Variants in FOXP1 observed in about 807,000 individuals in gnomAD.
FOXP1 encodes the protein forkhead box protein P1.
FOXP1 carries 15 observed loss-of-function variants against 98.2 expected under a neutral mutation model. The observed-to-expected ratio is 0.15, with a 90% confidence interval of 0.10 to 0.24. The LOEUF is 0.24. Among genes scored for constraint, FOXP1 ranks in the 10% least tolerant of loss-of-function variants. The pLI is 1.00. For missense variants in FOXP1, 633 were observed against 848.5 expected, an observed-to-expected ratio of 0.75 and a Z score of 3.15; for synonymous variants, 371 against 314.5, an observed-to-expected ratio of 1.18 and a Z score of -1.90.
chr3:71,346,093 A>C (rs1002597274), intron 4 of FOXP1, among the ~76,000 whole-genome samples: 17 of 152,166 alleles, frequency 1.1e-4, no homozygotes, highest in Non-Finnish European at 2.1e-4. Flanking sequence ...TCTAGGTGAA[A>C]GCTTTAAAAA....
intron 6 of FOXP1, among the ~76,000 whole-genome samples, chr3:71,145,121 T>C (rs1256803740): frequency 3.3e-5 from 5 of 152,214 alleles, no homozygotes; most frequent in African/African-American, 4.8e-5. Flanking sequence ...CAACTATAAA[T>C]ACAGCTTCCA....
intron 6 of FOXP1, among the ~76,000 whole-genome samples, chr3:71,129,838 T>C (rs2059454887): frequency 6.6e-6 from 1 of 152,196 alleles, no homozygotes; most frequent in South Asian, 2.1e-4. Context: ...GCTATACTGA[T>C]TATCCACAAG....
At chr3:71,324,936 G>A (rs2075597416) in intron 4 of FOXP1, among the ~76,000 whole-genome samples, 2 of 152,186 alleles carry the variant, frequency 1.3e-5, no homozygotes, top group Admixed American at 1.3e-4. Flanking sequence ...AGCTAAGGGG[G>A]CACCCCAGCC....
chr3:71,565,618 G>A (rs2046853670), intron 2 of FOXP1, among the ~76,000 whole-genome samples: 2 of 152,132 alleles, frequency 1.3e-5, no homozygotes, highest in Admixed American at 6.5e-5. Context: ...GTATATTTTC[G>A]GTAGTCAAAA....
chr3:71,431,703 C>A (rs1259277504), intron 3 of FOXP1, among the ~76,000 whole-genome samples: 1 of 152,204 alleles, frequency 6.6e-6, no homozygotes, highest in African/African-American at 2.4e-5. Flanking sequence ...CTCCTACCTG[C>A]AAACTCATTT....
At chr3:71,093,295 A>G (rs943901550) in intron 7 of FOXP1, among the ~76,000 whole-genome samples, 1 of 150,988 alleles carries the variant, frequency 6.6e-6, no homozygotes, top group African/African-American at 2.4e-5. Context: ...AATTAAAAAA[A>G]GCAAAAGAAC....
intron 3 of FOXP1, among the ~76,000 whole-genome samples, chr3:71,390,528 A>G (rs1238014118): frequency 6.9e-6 from 1 of 145,486 alleles, no homozygotes; most frequent in Non-Finnish European, 1.5e-5. Context: ...CCTGCAAGTT[A>G]CAGTTGTGCC....
In FOXP1 at chr3:70,970,783, T is replaced by A. The variant is rs764023352; in HGVS notation, c.1675A>T (p.Met559Leu). 4 of 1,613,944 alleles carry A rather than the reference T, an allele frequency of 2.5e-6. No individual in the cohort carries two copies. Among genetic ancestry groups the A allele is most frequent in the Non-Finnish European group, 3.4e-6 (4 of 1,179,786 alleles). Residue 559 changes from methionine (M) to leucine (L), a missense_variant, in exon 19 of 21, where the codon ATG becomes TTG. Transcript: ENST00000649528. ...GTGCAGTAGGCGTGGCTGCTCTGCA[T>A]GTTTTTAATAAGGGAAGGGTTACTG... ...ISGNPSLIKN[M>L]QSSHAYCTPL...
intron 20 of FOXP1, among the ~76,000 whole-genome samples, chr3:70,962,821 C>A (rs948392891): frequency 5.3e-5 from 8 of 152,134 alleles, no homozygotes; most frequent in African/African-American, 1.7e-4. Flanking sequence ...AGAAATAGAA[C>A]CATCCATCTC....
intron 6 of FOXP1, among the ~76,000 whole-genome samples, chr3:71,166,732 G>C (rs1393656676): frequency 6.6e-6 from 1 of 152,048 alleles, no homozygotes; most frequent in Non-Finnish European, 1.5e-5. Flanking sequence ...TTTACAACCA[G>C]AAAGCATTCT....
chr3:71,139,722 G>A (rs1201013433), intron 6 of FOXP1, among the ~76,000 whole-genome samples: 2 of 152,160 alleles, frequency 1.3e-5, no homozygotes, highest in African/African-American at 4.8e-5. Flanking sequence ...CTCATCCCAA[G>A]GAAGCCAACC....
chr3:71,169,303 C>T (rs1029629656), intron 6 of FOXP1, among the ~76,000 whole-genome samples: 24 of 152,174 alleles, frequency 1.6e-4, no homozygotes, highest in African/African-American at 5.8e-4. Context: ...TTAACATTTG[C>T]CCCCGAGCGT....
At chr3:70,964,796 G>T (rs1380991143) in intron 20 of FOXP1, among the ~76,000 whole-genome samples, 2 of 152,152 alleles carry the variant, frequency 1.3e-5, no homozygotes, top group African/African-American at 4.8e-5. Context: ...GAAGTGCTGT[G>T]GAGATGAAAC....
At chr3:71,226,962 C>A (rs371746380) in intron 5 of FOXP1, among the ~76,000 whole-genome samples, 1 of 152,078 alleles carries the variant, frequency 6.6e-6, no homozygotes, top group Non-Finnish European at 1.5e-5. Flanking sequence ...CAGGGCAGAG[C>A]GCACAGGACG....
intron 5 of FOXP1, chr3:71,276,497 G>T (rs2070905925): frequency 6.6e-6 from 1 of 152,136 alleles, no homozygotes; most frequent in South Asian, 2.1e-4. Flanking sequence ...ATCAGACATG[G>T]TCACATCAGA....
intron 7 of FOXP1, among the ~76,000 whole-genome samples, chr3:71,087,725 A>T (rs531941186): frequency 6.6e-4 from 100 of 152,202 alleles, no homozygotes; most frequent in Non-Finnish European, 1.1e-3. Context: ...TTCTTTTTTT[A>T]TGACACCTTA....
intron 7 of FOXP1, among the ~76,000 whole-genome samples, chr3:71,060,428 CA>C (rs1559842967): frequency 6.6e-6 from 1 of 152,078 alleles, no homozygotes; most frequent in African/African-American, 2.4e-5. Flanking sequence ...AAAGCCCAAC[CA>C]AAAGCTTCCC....
chr3:71,472,617 T>A (rs2089464553), intron 3 of FOXP1, among the ~76,000 whole-genome samples: 1 of 152,108 alleles, frequency 6.6e-6, no homozygotes, highest in Non-Finnish European at 1.5e-5. Context: ...AGCCCAGAAC[T>A]CCAACAGGAA....
rs569897614 is a variant in FOXP1, at chr3:71,478,264, G to A, written c.-168+15162C>T. Among the ~76,000 whole-genome samples the A allele has an allele frequency of 9.7e-4, 148 of 152,182 alleles. 1 individual carries two copies. Among genetic ancestry groups the A allele is most frequent in the African/African-American group, 3.4e-3 (141 of 41,510 alleles). ...AGCCCCCTACATAAGCCATGGATCC[G>A]TAATACCACCATCTGATTTATGTAA... On this transcript the variant is annotated intron_variant, in intron 3 of 20. Transcript: ENST00000649528.
Sources: gnomAD v4.1 joint callset for allele counts (sites outside exome capture counted in the v4.1 genomes callset) on GRCh38, gnomAD v4.1.1 for gene constraint, MANE v1.5 for transcripts, NCBI Gene and HGNC (gene_info 2026-07-23, HGNC 2026-07-21) for gene names.